The following SMAD1 variants were observed in gnomAD, a reference collection of about 807,000 sequenced individuals.
SMAD1 encodes SMAD family member 1.
In SMAD1, 6 loss-of-function variants were observed where a neutral mutation model predicts 41.6. The ratio of observed to expected loss-of-function variants is 0.14; its 90% CI spans 0.08 to 0.28. SMAD1 has a LOEUF of 0.28. SMAD1 is among the 10% of genes least tolerant of loss of function. The probability of loss-of-function intolerance (pLI) is 1.00; values close to 1 mark genes in which losing one functional copy is unlikely to be tolerated. For synonymous variants in SMAD1, 206 were observed against 203.2 expected (o/e 1.01, Z -0.12); for missense variants, 379 against 582.6 (o/e 0.65, Z 3.60).
intron 6 of SMAD1, among the ~76,000 whole-genome samples, chr4:145,555,028 T>TA (rs1277196909): frequency 6.6e-6 from 1 of 152,200 alleles, no homozygotes; most frequent in Non-Finnish European, 1.5e-5. Context: ...TTTTCCTACT[T>TA]ATTTAAAGCA....
chr4:145,505,242 C>T (rs534974996), intron 1 of SMAD1, among the ~76,000 whole-genome samples: 1 of 152,276 alleles, frequency 6.6e-6, no homozygotes, highest in African/African-American at 2.4e-5. Context: ...TTAATTTAAG[C>T]ATCTCAAACA....
At chr4:145,495,240 G>A (rs1729003588) in intron 1 of SMAD1, among the ~76,000 whole-genome samples, 1 of 152,140 alleles carries the variant, frequency 6.6e-6, no homozygotes, top group Non-Finnish European at 1.5e-5. Flanking sequence ...AAGGGGATCA[G>A]GAGACAGATG....
chr4:145,521,648 C>A (rs938304980), intron 2 of SMAD1, among the ~76,000 whole-genome samples: 2 of 152,088 alleles, frequency 1.3e-5, no homozygotes, highest in African/African-American at 4.8e-5. Flanking sequence ...CAGATTAGTT[C>A]TCACCAGGGG....
chr4:145,504,076 G>A (rs1278772575), intron 1 of SMAD1: 3 of 152,208 alleles, frequency 2.0e-5, no homozygotes, highest in African/African-American at 4.8e-5. Flanking sequence ...GGTCTCAGAA[G>A]TTTGGTAATG....
intron 3 of SMAD1, 22 bp downstream of exon 3, chr4:145,540,083 T>A: frequency 6.2e-7 from 1 of 1,613,516 alleles, no homozygotes; most frequent in Non-Finnish European, 8.5e-7. Context: ...TGTTCAGTGA[T>A]GTTCTGTAGT....
intron 1 of SMAD1, chr4:145,503,865 G>A (rs1313693105): frequency 2.0e-5 from 3 of 152,338 alleles, no homozygotes; most frequent in Admixed American, 6.5e-5. Context: ...ATGTAGGTGT[G>A]TGTGTGAGTG....
In SMAD1 at chr4:145,558,375, C is replaced by G. The variant is rs1732963398; in HGVS notation, c.*441C>G. On this transcript the variant is annotated 3_prime_UTR_variant, in exon 7 of 7. Transcript: ENST00000302085. ...TAGAGCCCATGTTGAGTCTTCTTTT[C>G]ATGGGTTTTCATAATATTTTAAAAC... Among the ~76,000 whole-genome samples, 1 of 152,138 alleles carries G rather than the reference C, an allele frequency of 6.6e-6. No individual in the cohort carries two copies. Among genetic ancestry groups the G allele is most frequent in the East Asian group, 1.9e-4 (1 of 5,196 alleles).
intron 1 of SMAD1, among the ~76,000 whole-genome samples, chr4:145,508,682 A>G (rs1304745944): frequency 6.6e-6 from 1 of 152,106 alleles, no homozygotes; most frequent in Non-Finnish European, 1.5e-5. Context: ...CCGTTTTTAT[A>G]TATTATTGTC....
chr4:145,509,709 TATC>T (rs1371863636), intron 1 of SMAD1, among the ~76,000 whole-genome samples: 2 of 152,184 alleles, frequency 1.3e-5, no homozygotes, highest in African/African-American at 4.8e-5. Flanking sequence ...AAAAGGAAAT[TATC>T]ATATCAATAG....
At chr4:145,522,270 G>A (rs1730782038) in intron 2 of SMAD1, among the ~76,000 whole-genome samples, 1 of 151,662 alleles carries the variant, frequency 6.6e-6, no homozygotes, top group East Asian at 1.9e-4. Context: ...CTGCACTCCA[G>A]CCAGGGCGAC....
chr4:145,536,870 GAC>G (rs970107001), intron 2 of SMAD1, among the ~76,000 whole-genome samples: 14 of 152,178 alleles, frequency 9.2e-5, no homozygotes, highest in South Asian at 2.1e-4. Flanking sequence ...CAAACAGGCA[GAC>G]ACATCGTGTG....
Position 145,482,703 on chromosome 4 carries a change from C to G in SMAD1, c.-177+665C>G, listed in dbSNP as rs567853559. The G allele has an allele frequency of 6.6e-6, 1 of 152,304 alleles. No individual in the cohort carries two copies. The highest frequency in any genetic ancestry group is 1.9e-4 in the East Asian group (1 of 5,174). The allele number at this position is 152,304 out of a possible 1,614,324, so 9.4% of individuals were successfully genotyped here. A position where few individuals can be genotyped will look rare whatever the true frequency, so the allele number is the denominator to read the frequency against. ...GCACCGAGATCCCCTCTAATTTATT[C>G]AAAGGTTTGGCGGCGGCGCGTAATT... On this transcript the variant is annotated intron_variant, in intron 1 of 6. Transcript: ENST00000302085. The surrounding 1 kb of genome is among the most constrained non-coding windows in gnomAD (Gnocchi z 4.2).
At position 145,482,223 on chromosome 4, in the gene SMAD1, A is replaced by AC. The variant is rs1190001940; in HGVS notation, c.-177+197dup. On this transcript the variant is annotated intron_variant, in intron 1 of 6. Transcript: ENST00000302085. The surrounding 1 kb of genome is among the most constrained non-coding windows in gnomAD (Gnocchi z 4.2). ...CTCTTTCTGCGCGGGGCGGGCCGCG[A>AC]CCCCCCCCCCCCATGATGGCGCCTC... Among the ~76,000 whole-genome samples, 20,145 of 104,964 alleles carry AC rather than the reference A, an allele frequency of 0.19. 1,883 individuals are homozygous for AC. The highest frequency in any genetic ancestry group is 0.26 in the Non-Finnish European group (11,902 of 46,568). 68.9% of individuals were successfully genotyped at this position (104,964 alleles called of 152,430 possible). A position where few individuals can be genotyped will look rare whatever the true frequency, so the allele number is the denominator to read the frequency against.
chr4:145,501,919 A>G (rs1729465410), intron 1 of SMAD1, among the ~76,000 whole-genome samples: 1 of 152,168 alleles, frequency 6.6e-6, no homozygotes, highest in South Asian at 2.1e-4. Context: ...GTTTGTAAAA[A>G]CAACCAGTAT....
chr4:145,514,513 A>G lies in SMAD1; in HGVS notation c.-101A>G. 8.5e-7 allele frequency: 1 copy of G among 1,173,496 alleles called. No homozygotes were observed. The highest frequency in any genetic ancestry group is 1.5e-5 in the African/African-American group (1 of 64,820). The allele number at this position is 1,173,496 out of a possible 1,614,324, so 72.7% of individuals were successfully genotyped here. A position where few individuals can be genotyped will look rare whatever the true frequency, so the allele number is the denominator to read the frequency against. On this transcript the variant is annotated 5_prime_UTR_variant, in exon 2 of 7. Coordinates refer to ENST00000302085, the MANE Select transcript of SMAD1 (RefSeq NM_005900.3). This position sits in a 1 kb window ranked among gnomAD's most constrained non-coding sequence, Gnocchi z 4.7. ...TCTGGACTTCAAACTAAGAAGTTAA[A>G]GAGACTTCTCTGTAAATAAACAAAT... is the stretch of plus-strand genomic sequence containing the variant.
intron 6 of SMAD1, among the ~76,000 whole-genome samples, chr4:145,555,669 AAAC>A (rs1371609747): frequency 2.3e-4 from 35 of 152,222 alleles, no homozygotes; most frequent in African/African-American, 7.5e-4. Flanking sequence ...ACACAAGTAA[AAAC>A]AACCTTTACA....
intron 6 of SMAD1, 30 bp downstream of exon 6, chr4:145,554,070 G>T (rs1732704534): frequency 6.4e-7 from 1 of 1,572,474 alleles, no homozygotes. Flanking sequence ...TCCATTTAGG[G>T]CCTAACATAC....
At chr4:145,540,977 T>C (rs1731898657) in intron 3 of SMAD1, among the ~76,000 whole-genome samples, 1 of 152,240 alleles carries the variant, frequency 6.6e-6, no homozygotes, top group African/African-American at 2.4e-5. Context: ...ATTTATTACC[T>C]TCTTTTATTT....
At chr4:145,538,389 C>G (rs1341800157) in intron 2 of SMAD1, among the ~76,000 whole-genome samples, 7 of 152,060 alleles carry the variant, frequency 4.6e-5, no homozygotes, top group Non-Finnish European at 7.4e-5. Flanking sequence ...ATTATATACT[C>G]AAAAGATTTG....
Sources: gnomAD v4.1 joint callset for allele counts (sites outside exome capture counted in the v4.1 genomes callset) on GRCh38, gnomAD v4.1.1 for gene constraint, Gnocchi (gnomAD v3.1) non-coding constraint, MANE v1.5 for transcripts, NCBI Gene and HGNC (gene_info 2026-07-23, HGNC 2026-07-21) for gene names.